The following TMPRSS4 variants were observed in gnomAD, a reference collection of about 807,000 sequenced individuals.
TMPRSS4 encodes the protein transmembrane protease serine 4.
A neutral mutation model predicts 56.4 loss-of-function variants in TMPRSS4; 45 were observed. That is an observed-to-expected ratio of 0.80 (90% CI 0.63 to 1.02). The LOEUF is 1.02. Ranked by LOEUF, TMPRSS4 falls within the 50% of genes least tolerant of loss-of-function variation. TMPRSS4 has a pLI of 0.00. For missense variants in TMPRSS4, 546 were observed against 556.7 expected, an observed-to-expected ratio of 0.98 and a Z score of 0.19; for synonymous variants, 205 against 211.0, an observed-to-expected ratio of 0.97 and a Z score of 0.25.
chr11:118,118,123 G>C lies in TMPRSS4; in HGVS notation c.*210G>C, dbSNP rs775542802. ...CAGAGGAAGTCAGCAGCCCTAGCTC[G>C]GCCACACTTGGTGCTCCCAGCATCC... is the stretch of plus-strand genomic sequence containing the variant. On this transcript the variant is annotated 3_prime_UTR_variant, in exon 13 of 13. Coordinates refer to ENST00000437212, the MANE Select transcript of TMPRSS4 (RefSeq NM_019894.4). The C allele has an allele frequency of 2.1e-6, 3 of 1,424,896 alleles. No homozygotes were observed. The highest frequency in any genetic ancestry group is 2.7e-6 in the Non-Finnish European group (3 of 1,094,286). 88.3% of individuals were successfully genotyped at this position (1,424,896 alleles called of 1,614,324 possible). A position where few individuals can be genotyped will look rare whatever the true frequency, so the allele number is the denominator to read the frequency against.
intron 7 of TMPRSS4, 103 bp from the exon 8 acceptor site, chr11:118,111,638 C>T (rs1947282503): frequency 1.1e-6 from 1 of 902,418 alleles, no homozygotes. Context: ...CTGGCCCCAG[C>T]CATAAGGGCC....
intron 2 of TMPRSS4, among the ~76,000 whole-genome samples, chr11:118,095,983 C>A (rs185231427): frequency 3.9e-5 from 6 of 152,320 alleles, no homozygotes; most frequent in African/African-American, 9.6e-5. Flanking sequence ...ATGGGGGAAG[C>A]AGATGCTCCC....
chr11:118,103,189 C>A lies in TMPRSS4; in HGVS notation c.246C>A (p.Asp82Glu). ...AGCAGCTGTGTGACGGAGAGCTGGA[C>A]TGTCCCTTGGGGGAGGACGAGGAGC... ...PRKQLCDGEL[D>E]CPLGEDEEHC... Residue 82 changes from aspartate (D) to glutamate (E), a missense_variant, in exon 4 of 13, where the codon GAC becomes GAA. Transcript: ENST00000437212. The A allele has an allele frequency of 1.2e-6, 2 of 1,614,256 alleles. No individual in the cohort carries two copies. Among genetic ancestry groups the A allele is most frequent in the Non-Finnish European group, 1.7e-6 (2 of 1,180,048 alleles).
At chr11:118,116,715 CT>C (rs58251133) in intron 11 of TMPRSS4, among the ~76,000 whole-genome samples, 80 of 123,324 alleles carry the variant, frequency 6.5e-4, no homozygotes, top group African/African-American at 6.4e-4. Flanking sequence ...GATAACCAGG[CT>C]TTTTTTTTTT....
chr11:118,088,788 T>G (rs576620554), intron 1 of TMPRSS4, among the ~76,000 whole-genome samples: 2 of 152,310 alleles, frequency 1.3e-5, no homozygotes, highest in African/African-American at 4.8e-5. Flanking sequence ...TAAATACATC[T>G]CCAGCAAAGC....
intron 7 of TMPRSS4, among the ~76,000 whole-genome samples, chr11:118,110,405 G>A (rs908415453): frequency 2.0e-5 from 3 of 150,712 alleles, no homozygotes; most frequent in African/African-American, 4.9e-5. Flanking sequence ...AAAGTGTTGC[G>A]ATCTCGGCTC....
intron 9 of TMPRSS4, 69 bp from the exon 10 acceptor site, chr11:118,114,760 T>C: frequency 1.4e-6 from 2 of 1,434,576 alleles, no homozygotes; most frequent in African/African-American, 1.4e-5. Context: ...TCATAAAGCA[T>C]CATAATTTAC....
chr11:118,107,931 T>A lies in TMPRSS4; in HGVS notation c.542+56T>A, dbSNP rs529429980. The A allele has an allele frequency of 3.3e-6, 5 of 1,497,706 alleles. No individual in the cohort carries two copies. The African/African-American group carries it at 4.1e-5, about 12-fold the overall frequency. 92.8% of individuals were successfully genotyped at this position (1,497,706 alleles called of 1,614,324 possible). A position where few individuals can be genotyped will look rare whatever the true frequency, so the allele number is the denominator to read the frequency against. On this transcript the variant is annotated intron_variant, in intron 6 of 12. Coordinates refer to ENST00000437212, the MANE Select transcript of TMPRSS4 (RefSeq NM_019894.4). ...AAGGCCCCCACATGGACGCTGCTCT[T>A]CAGGTTGCAACCAGCTCACCTGGAA... is the stretch of plus-strand genomic sequence containing the variant.
chr11:118,108,744 C>A, intron 6 of TMPRSS4, 112 bp from the exon 7 acceptor site: 3 of 1,018,094 alleles, frequency 2.9e-6, no homozygotes, highest in Non-Finnish European at 4.5e-6. Flanking sequence ...GCAGCTTCCA[C>A]ATTCCCGAGG....
At chr11:118,111,963 G>A in intron 8 of TMPRSS4, 63 bp downstream of exon 8, 2 of 1,567,696 alleles carry the variant, frequency 1.3e-6, no homozygotes, top group Non-Finnish European at 1.7e-6. Flanking sequence ...AGAGAGCTTG[G>A]GGTCCTGTCT....
rs1565423938 is a variant in TMPRSS4 at position 118,097,069 on chromosome 11, G to GGAAAGGAAAGGAA, written c.44-1915_44-1914insAAAGGAAAGGAAG. On this transcript the variant is annotated intron_variant, in intron 2 of 12. Transcript: ENST00000437212. ...AAGGAAAGGAAAGGAAAGGAAAGGA[G>GGAAAGGAAAGGAA]GTAGTAGAAGGGACGTACTTAAGAG... Among the ~76,000 whole-genome samples, 7 of 22,910 alleles carry GGAAAGGAAAGGAA rather than the reference G, an allele frequency of 3.1e-4. 1 individual carries two copies. The highest frequency in any genetic ancestry group is 6.5e-4 in the African/African-American group (6 of 9,180). The allele number at this position is 22,910 out of a possible 152,430, so 15.0% of individuals were successfully genotyped here.
At chr11:118,093,818 G>C (rs1591367003) in intron 1 of TMPRSS4, among the ~76,000 whole-genome samples, 5 of 149,928 alleles carry the variant, frequency 3.3e-5, no homozygotes, top group South Asian at 2.1e-4. Context: ...ATAACTAACT[G>C]CCCCCCCCAA....
intron 1 of TMPRSS4, among the ~76,000 whole-genome samples, chr11:118,089,933 CT>C (rs1484307651): frequency 6.6e-6 from 1 of 152,186 alleles, no homozygotes; most frequent in Non-Finnish European, 1.5e-5. Flanking sequence ...GCAACCTCCC[CT>C]CCCGGGTTCA....
chr11:118,109,832 T>C (rs1162484665), intron 7 of TMPRSS4, among the ~76,000 whole-genome samples: 1 of 152,196 alleles, frequency 6.6e-6, no homozygotes, highest in Non-Finnish European at 1.5e-5. Context: ...GTATGCCCCC[T>C]ACCCCGGCCC....
intron 1 of TMPRSS4, among the ~76,000 whole-genome samples, chr11:118,082,964 T>A (rs957757759): frequency 2.0e-5 from 3 of 152,092 alleles, no homozygotes; most frequent in African/African-American, 7.2e-5. Context: ...AAATGCAGAA[T>A]CCTCGTATGG....
intron 2 of TMPRSS4, 102 bp downstream of exon 2, chr11:118,094,957 A>C (rs1946204098): frequency 3.4e-6 from 4 of 1,184,230 alleles, no homozygotes; most frequent in Non-Finnish European, 4.9e-6. Flanking sequence ...ACCACCACCA[A>C]AGTGCTAAGT....
In TMPRSS4 at chr11:118,119,834, C is replaced by T. The variant is rs1046183091; in HGVS notation, c.*1921C>T. 2.6e-5 allele frequency: 4 copies of T among 152,218 alleles called. No individual in the cohort carries two copies. The highest frequency in any genetic ancestry group is 9.7e-5 in the African/African-American group (4 of 41,450). 9.4% of individuals were successfully genotyped at this position (152,218 alleles called of 1,614,324 possible). A position where few individuals can be genotyped will look rare whatever the true frequency, so the allele number is the denominator to read the frequency against. ...GAATAAAAAATGAATACTAGTTCCA[C>T]ATTTTAAAATCATGTTTAACTGTGG... On this transcript the variant is annotated 3_prime_UTR_variant, in exon 13 of 13. Transcript: ENST00000437212.
At chr11:118,108,777 AC>A in intron 6 of TMPRSS4, 78 bp from the exon 7 acceptor site, 1 of 1,495,954 alleles carries the variant, frequency 6.7e-7, no homozygotes. Context: ...ACTTGAATTA[AC>A]AGCTTCGGGA....
At chr11:118,095,132 A>G in intron 2 of TMPRSS4, 1 of 472,676 alleles carries the variant, frequency 2.1e-6, no homozygotes, top group Non-Finnish European at 3.9e-6. Context: ...TTATCCTTTC[A>G]GTAAAACTGT....
Sources: gnomAD v4.1 joint callset for allele counts (sites outside exome capture counted in the v4.1 genomes callset) on GRCh38, gnomAD v4.1.1 for gene constraint, MANE v1.5 for transcripts, NCBI Gene and HGNC (gene_info 2026-07-23, HGNC 2026-07-21) for gene names.